The following COX7B2 variants were observed in gnomAD, a reference collection of about 807,000 sequenced individuals.
COX7B2 encodes the protein cytochrome c oxidase subunit 7B2.
For synonymous variants in COX7B2, 37 were observed against 32.1 expected (o/e 1.15, Z -0.51); for missense variants, 109 against 95.9 (o/e 1.14, Z -0.57).
At chr4:46,773,871 G>A (rs1386138545) in intron 2 of COX7B2, among the ~76,000 whole-genome samples, 1 of 152,096 alleles carries the variant, frequency 6.6e-6, no homozygotes, top group Non-Finnish European at 1.5e-5. Context: ...GTATGTTTTA[G>A]CCAAACAATG....
At chr4:46,815,503 A>C (rs1262741998) in intron 2 of COX7B2, among the ~76,000 whole-genome samples, 1 of 152,182 alleles carries the variant, frequency 6.6e-6, no homozygotes, top group Non-Finnish European at 1.5e-5. Flanking sequence ...GCCTCTCCTC[A>C]GTACTAATCA....
chr4:46,844,456 T>A (rs1716133698), intron 2 of COX7B2, among the ~76,000 whole-genome samples: 1 of 151,804 alleles, frequency 6.6e-6, no homozygotes, highest in Admixed American at 6.6e-5. Context: ...AATAGCAAAA[T>A]GAAATTTTTA....
intron 2 of COX7B2, among the ~76,000 whole-genome samples, chr4:46,779,698 T>C (rs1259740077): frequency 6.6e-6 from 1 of 152,064 alleles, no homozygotes; most frequent in Non-Finnish European, 1.5e-5. Flanking sequence ...CGCTATCTCT[T>C]GTCTTTTTGA....
Position 46,734,907 on chromosome 4 carries a change from G to A in COX7B2, c.*40C>T, listed in dbSNP as rs755738219. The A allele has an allele frequency of 3.1e-6, 5 of 1,610,426 alleles. No individual in the cohort carries two copies. The South Asian group carries it at 5.5e-5, about 18-fold the overall frequency. Reference sequence around the variant, plus strand: ...CAGTAGAGTGCTTACATGACAAGTTGGTTTTTTAAACAATTCTGTCATTAC... The same window carrying A: ...CAGTAGAGTGCTTACATGACAAGTTAGTTTTTTAAACAATTCTGTCATTAC... On this transcript the variant is annotated 3_prime_UTR_variant, in exon 3 of 3. Coordinates refer to ENST00000355591, the MANE Select transcript of COX7B2 (RefSeq NM_130902.3).
At chr4:46,737,777 A>T (rs538917624) in intron 2 of COX7B2, among the ~76,000 whole-genome samples, 4 of 152,242 alleles carry the variant, frequency 2.6e-5, no homozygotes, top group Admixed American at 2.6e-4. Flanking sequence ...GGCAACACAG[A>T]TATAAAAGGC....
intron 2 of COX7B2, among the ~76,000 whole-genome samples, chr4:46,755,666 C>G (rs191784954): frequency 6.6e-6 from 1 of 151,856 alleles, no homozygotes; most frequent in South Asian, 2.1e-4. Context: ...TTTCTATACA[C>G]GAATAATAAT....
intron 1 of COX7B2, among the ~76,000 whole-genome samples, chr4:46,892,104 C>T (rs1719463492): frequency 6.6e-6 from 1 of 152,152 alleles, no homozygotes; most frequent in African/African-American, 2.4e-5. Context: ...AAAAGATGAT[C>T]ACCTTTCTTC....
At chr4:46,877,986 C>A (rs1230434667) in intron 1 of COX7B2, among the ~76,000 whole-genome samples, 1 of 151,320 alleles carries the variant, frequency 6.6e-6, no homozygotes, top group Admixed American at 6.6e-5. Flanking sequence ...TACATGTCCA[C>A]CAATGGATGA....
chr4:46,845,421 G>A lies in COX7B2; in HGVS notation c.-104-407C>T, dbSNP rs115991633. ...GCAACTTCCTTCATGCAAGTTCAAG[G>A]AAACAGAAATGGACTTCTCTAATGT... is the stretch of plus-strand genomic sequence containing the variant. On this transcript the variant is annotated intron_variant, in intron 1 of 2. Coordinates refer to ENST00000355591, the MANE Select transcript of COX7B2 (RefSeq NM_130902.3). Among the ~76,000 whole-genome samples the A allele has an allele frequency of 6.0e-3, 905 of 151,966 alleles. 4 individuals carry two copies. Among genetic ancestry groups the A allele is most frequent in the African/African-American group, 0.02 (849 of 41,494 alleles).
At chr4:46,768,209 G>A (rs1178617631) in intron 2 of COX7B2, among the ~76,000 whole-genome samples, 1 of 152,226 alleles carries the variant, frequency 6.6e-6, no homozygotes, top group East Asian at 1.9e-4. Flanking sequence ...GGACTTGAAG[G>A]ATGGTGAATG....
intron 1 of COX7B2, among the ~76,000 whole-genome samples, chr4:46,882,702 G>T (rs1351868316): frequency 6.6e-6 from 1 of 152,074 alleles, no homozygotes; most frequent in Non-Finnish European, 1.5e-5. Context: ...CATGAGATGG[G>T]TCTCTTGAGG....
intron 2 of COX7B2, among the ~76,000 whole-genome samples, chr4:46,764,663 A>C (rs1288555888): frequency 2.0e-5 from 3 of 146,902 alleles, no homozygotes; most frequent in African/African-American, 7.6e-5. Context: ...CTGGGCAACA[A>C]AGTGAGACTC....
chr4:46,751,404 A>T (rs1715368406), intron 2 of COX7B2, among the ~76,000 whole-genome samples: 1 of 152,136 alleles, frequency 6.6e-6, no homozygotes, highest in South Asian at 2.1e-4. Context: ...TCTCACATTA[A>T]CATTTAATTC....
At chr4:46,871,863 A>C (rs1015016080) in intron 1 of COX7B2, among the ~76,000 whole-genome samples, 3 of 152,164 alleles carry the variant, frequency 2.0e-5, no homozygotes, top group Admixed American at 6.6e-5. Flanking sequence ...ACACTTATAC[A>C]CTGTTGGTGG....
chr4:46,788,620 A>G (rs564809936), intron 2 of COX7B2, among the ~76,000 whole-genome samples: 62 of 152,234 alleles, frequency 4.1e-4, no homozygotes, highest in Non-Finnish European at 2.9e-4. Flanking sequence ...ATTTTTATCT[A>G]CATACATATT....
chr4:46,899,445 A>G (rs1719954384), intron 1 of COX7B2, among the ~76,000 whole-genome samples: 3 of 152,214 alleles, frequency 2.0e-5, no homozygotes, highest in African/African-American at 7.2e-5. Flanking sequence ...CTAGATAGGC[A>G]TAAAATCCAT....
At chr4:46,880,589 G>A (rs1386237039) in intron 1 of COX7B2, among the ~76,000 whole-genome samples, 2 of 151,700 alleles carry the variant, frequency 1.3e-5, no homozygotes, top group East Asian at 1.9e-4. Context: ...TAAGGTGTTC[G>A]TAGTAGTTTC....
intron 1 of COX7B2, among the ~76,000 whole-genome samples, chr4:46,877,874 C>T (rs1006199213): frequency 6.6e-6 from 1 of 152,028 alleles, no homozygotes; most frequent in African/African-American, 2.4e-5. Flanking sequence ...AATATCTCTG[C>T]TGGGTATATA....
chr4:46,887,727 A>C (rs1333308549), intron 1 of COX7B2, among the ~76,000 whole-genome samples: 2 of 151,588 alleles, frequency 1.3e-5, no homozygotes, highest in Non-Finnish European at 2.9e-5. Context: ...AAAAAAAAAA[A>C]AAAAAGGAAG....
Sources: allele counts gnomAD v4.1 joint callset (sites outside exome capture counted in the v4.1 genomes callset), GRCh38; gene constraint gnomAD v4.1.1; transcripts MANE v1.5; gene names NCBI Gene and HGNC (gene_info 2026-07-23, HGNC 2026-07-21).